The following ADRA1A variants were observed in gnomAD, a reference collection of about 807,000 sequenced individuals.
ADRA1A encodes adrenoceptor alpha 1A, also known as alpha-1A adrenergic receptor.
Under a neutral mutation model 29.6 loss-of-function variants are expected in ADRA1A, and 31 were observed. That is an observed-to-expected ratio of 1.05 (90% CI 0.79 to 1.41). ADRA1A has a LOEUF of 1.41. ADRA1A is among the 40% of genes most tolerant of loss of function. ADRA1A has a pLI of 0.00. For missense variants in ADRA1A, 619 were observed against 601.1 expected (o/e 1.03, Z -0.31); for synonymous variants, 311 against 254.3 (o/e 1.22, Z -2.12).
At chr8:26,779,069 G>A (rs1475430698) in intron 2 of ADRA1A, 5 of 380,946 alleles carry the variant, frequency 1.3e-5, no homozygotes, top group African/African-American at 2.1e-5. Flanking sequence ...TTTATTTCAC[G>A]GTACATATCA....
At chr8:26,784,674 G>A (rs1446529581) in intron 2 of ADRA1A, among the ~76,000 whole-genome samples, 3 of 152,220 alleles carry the variant, frequency 2.0e-5, no homozygotes, top group African/African-American at 7.2e-5. Flanking sequence ...AGGAATTGGT[G>A]TTAGCAAGTG....
At position 26,864,558 on chromosome 8, in the gene ADRA1A, C is replaced by T. The variant is rs140950299; in HGVS notation, c.412G>A (p.Val138Ile). Residue 138 changes from valine to isoleucine, a missense_variant, in exon 2 of 3, where the codon GTC becomes ATC. Transcript: ENST00000380573. This position sits in a 1 kb window ranked among gnomAD's most constrained non-coding sequence, Gnocchi z 8.1. ...VSYPLRYPTI[V>I]TQRRGLMALL... is the part of the protein sequence containing the mutation. ...GCCATGAGACCCCTCCTCTGGGTGACGATGGTTGGGTAGCGCAGCGGGTAG... is the reference window on the plus strand; with the variant it reads ...GCCATGAGACCCCTCCTCTGGGTGATGATGGTTGGGTAGCGCAGCGGGTAG... 1 of 1,614,036 alleles carries T rather than the reference C, an allele frequency of 6.2e-7. No individual in the cohort carries two copies. Among genetic ancestry groups the T allele is most frequent in the Non-Finnish European group, 8.5e-7 (1 of 1,180,018 alleles).
intron 2 of ADRA1A, among the ~76,000 whole-genome samples, chr8:26,840,021 G>A (rs1811702269): frequency 6.6e-6 from 1 of 152,226 alleles, no homozygotes; most frequent in Non-Finnish European, 1.5e-5. Flanking sequence ...AATTCTGGGT[G>A]AATCACAGGA....
Position 26,864,312 on chromosome 8 carries a change from A to G in ADRA1A, c.658T>C (p.Ser220Pro). ...VAKRESRGLK[S>P]GLKTDKSDSE... ...TCCGACTTGTCGGTCTTGAGGCCAGACTTGAGGCCCCGGCTCTCCCTCTTG... is the reference window on the plus strand; with the variant it reads ...TCCGACTTGTCGGTCTTGAGGCCAGGCTTGAGGCCCCGGCTCTCCCTCTTG... The change falls in exon 2 of 3, where the codon TCT becomes CCT. Residue 220 changes from serine (S) to proline (P), a missense_variant. Coordinates refer to ENST00000380573, the MANE Select transcript of ADRA1A (RefSeq NM_000680.4). The surrounding 1 kb of genome is among the most constrained non-coding windows in gnomAD (Gnocchi z 8.1). 6.2e-7 allele frequency: 1 copy of G among 1,614,070 alleles called. No individual in the cohort carries two copies. Among genetic ancestry groups the G allele is most frequent in the Non-Finnish European group, 8.5e-7 (1 of 1,180,010 alleles).
At chr8:26,850,770 G>T (rs1332529809) in intron 2 of ADRA1A, among the ~76,000 whole-genome samples, 2 of 152,168 alleles carry the variant, frequency 1.3e-5, no homozygotes, top group Non-Finnish European at 2.9e-5. Flanking sequence ...GGGATTACAG[G>T]TGTGAGTCAC....
At chr8:26,773,119 G>C (rs1400731425) in intron 2 of ADRA1A, among the ~76,000 whole-genome samples, 1 of 152,204 alleles carries the variant, frequency 6.6e-6, no homozygotes, top group African/African-American at 2.4e-5. Flanking sequence ...ATGAGTTTGA[G>C]TAGCTCAACC....
intron 2 of ADRA1A, among the ~76,000 whole-genome samples, chr8:26,794,150 A>C (rs1808023770): frequency 6.6e-6 from 1 of 152,056 alleles, no homozygotes; most frequent in African/African-American, 2.4e-5. Flanking sequence ...ATTATTAAAA[A>C]CATTAGGGAA....
At chr8:26,842,417 C>G (rs1319761376) in intron 2 of ADRA1A, among the ~76,000 whole-genome samples, 1 of 152,150 alleles carries the variant, frequency 6.6e-6, no homozygotes, top group African/African-American at 2.4e-5. Context: ...CTATGGACAA[C>G]TAATCCCTAC....
downstream of ADRA1A, among the ~76,000 whole-genome samples, chr8:26,754,345 CA>C (rs1217113898): frequency 6.6e-6 from 1 of 152,064 alleles, no homozygotes. Context: ...ACCAAACTCT[CA>C]GCACGATTCA....
intron 2 of ADRA1A, among the ~76,000 whole-genome samples, chr8:26,772,580 A>AT (rs1806253814): frequency 1.3e-5 from 2 of 152,050 alleles, no homozygotes; most frequent in Admixed American, 1.3e-4. Flanking sequence ...GCCCTGAACA[A>AT]TTTTTTTGTT....
chr8:26,847,141 G>C lies in ADRA1A; in HGVS notation c.883+16946C>G, dbSNP rs532836143. Among the ~76,000 whole-genome samples the C allele has an allele frequency of 1.4e-4, 22 of 152,154 alleles. No individual in the cohort carries two copies. In the East Asian group the frequency reaches 4.3e-3, roughly 29 times the overall value. ...GCTAGATGACGAGTTAGTGGGTACAGCGCACCAGCATGGCACATGTATACA... is the reference window on the plus strand; with the variant it reads ...GCTAGATGACGAGTTAGTGGGTACACCGCACCAGCATGGCACATGTATACA... On this transcript the variant is annotated intron_variant, in intron 2 of 2. Transcript: ENST00000380573.
intron 2 of ADRA1A, among the ~76,000 whole-genome samples, chr8:26,824,353 G>T (rs534559154): frequency 6.6e-6 from 1 of 152,024 alleles, no homozygotes; most frequent in Non-Finnish European, 1.5e-5. Flanking sequence ...TAGAGTCTCC[G>T]TGTCAGCCCT....
chr8:26,749,213 G>A (rs1804817473), intron 2 of ADRA1A, among the ~76,000 whole-genome samples: 1 of 152,164 alleles, frequency 6.6e-6, no homozygotes, highest in Admixed American at 6.5e-5. Context: ...CCAAAGGACA[G>A]GAGACTGGAC....
chr8:26,864,559 G>A lies in ADRA1A; in HGVS notation c.411C>T (p.Ile137=). ...CCATGAGACCCCTCCTCTGGGTGAC[G>A]ATGGTTGGGTAGCGCAGCGGGTAGC... ...GVSYPLRYPT[I]VTQRRGLMAL... The change falls in exon 2 of 3, where the codon ATC becomes ATT. Residue 137 remains isoleucine (I), a synonymous_variant. Coordinates refer to ENST00000380573, the MANE Select transcript of ADRA1A (RefSeq NM_000680.4). The surrounding 1 kb of genome is among the most constrained non-coding windows in gnomAD (Gnocchi z 8.1). 6.2e-7 allele frequency: 1 copy of A among 1,614,130 alleles called. No homozygotes were observed.
intron 2 of ADRA1A, among the ~76,000 whole-genome samples, chr8:26,804,654 T>C (rs1808835060): frequency 6.6e-6 from 1 of 152,172 alleles, no homozygotes; most frequent in Non-Finnish European, 1.5e-5. Flanking sequence ...TATATCACTA[T>C]TTGATGGACA....
At chr8:26,792,232 T>G (rs1346240277) in intron 2 of ADRA1A, among the ~76,000 whole-genome samples, 1 of 152,162 alleles carries the variant, frequency 6.6e-6, no homozygotes, top group Non-Finnish European at 1.5e-5. Context: ...ATTTATTTGC[T>G]CTTTGCCAAT....
chr8:26,814,953 A>G (rs1809659189), intron 2 of ADRA1A, among the ~76,000 whole-genome samples: 1 of 152,210 alleles, frequency 6.6e-6, no homozygotes, highest in Non-Finnish European at 1.5e-5. Flanking sequence ...GATCTAAATT[A>G]ATGGTGAATG....
intron 2 of ADRA1A, among the ~76,000 whole-genome samples, chr8:26,785,229 T>C (rs1164180881): frequency 1.3e-5 from 2 of 152,210 alleles, no homozygotes; most frequent in Non-Finnish European, 2.9e-5. Context: ...TGACAACTTA[T>C]TTAGCATGAT....
chr8:26,768,044 G>A (rs1446105332), downstream of ADRA1A, among the ~76,000 whole-genome samples: 6 of 152,230 alleles, frequency 3.9e-5, no homozygotes, highest in East Asian at 1.2e-3. Flanking sequence ...CTGAACACAA[G>A]GCTGAATATG....
Sources: gnomAD v4.1 joint callset for allele counts (sites outside exome capture counted in the v4.1 genomes callset) on GRCh38, gnomAD v4.1.1 for gene constraint, Gnocchi (gnomAD v3.1) non-coding constraint, MANE v1.5 for transcripts, NCBI Gene and HGNC (gene_info 2026-07-23, HGNC 2026-07-21) for gene names.